TTN: variants seen among roughly 807,000 people sequenced by gnomAD.
TTN encodes the protein titin.
TTN carries 1,525 observed loss-of-function variants against 3,223.0 expected under a neutral mutation model. That is an observed-to-expected ratio of 0.47 (90% CI 0.45 to 0.49). The LOEUF (loss-of-function observed/expected upper bound fraction) is 0.49. Ranked by LOEUF, TTN falls within the 20% of genes least tolerant of loss-of-function variation. The probability of loss-of-function intolerance (pLI) is 0.00; values close to 1 mark genes in which losing one functional copy is unlikely to be tolerated. For missense variants in TTN, 40,786 were observed against 43,424.0 expected, an observed-to-expected ratio of 0.94 and a Z score of 5.40; for synonymous variants, 14,094 against 15,161.0, an observed-to-expected ratio of 0.93 and a Z score of 5.17.
chr2:178,609,201 G>T lies in TTN; in HGVS notation c.52102+7C>A. The stretch of plus-strand genomic sequence containing the variant: ...TTCCATTGGAAAGTGTAGTTTTAAT[G>T]ACTCACCTAACACACTGACAGTACA... On this transcript the variant is annotated splice_region_variant and intron_variant, in intron 273 of 362. Transcript: ENST00000589042. 2 of 1,492,002 alleles carry T rather than the reference G, an allele frequency of 1.3e-6. No homozygotes were observed. The highest frequency in any genetic ancestry group is 2.9e-5 in the South Asian group (2 of 67,826). The allele number at this position is 1,492,002 out of a possible 1,614,324, so 92.4% of individuals were successfully genotyped here. A position where few individuals can be genotyped will look rare whatever the true frequency, so the allele number is the denominator to read the frequency against.
rs761745332 is a variant in TTN at position 178,712,867 on chromosome 2, A to G, written c.27158T>C (p.Phe9053Ser). 1.9e-6 allele frequency: 3 copies of G among 1,613,638 alleles called. No individual in the cohort carries two copies. The highest frequency in any genetic ancestry group is 2.5e-6 in the Non-Finnish European group (3 of 1,179,758). The change falls in exon 94 of 363, where the codon TTC becomes TCC. Residue 9053 changes from phenylalanine (F) to serine (S), a missense_variant. Physicochemically the swap from Phe to Ser is radical, Grantham distance 155. Coordinates refer to ENST00000589042, the MANE Select transcript of TTN (RefSeq NM_001267550.2). ...TGGTACTAGTTCACTGCTACCTTTG[A>G]ACCAGCTAACACTGAAAGGAGGTGT... Reference protein sequence around the residue: ...KGTPPFSVSWFKGSSELVPGD... With the variant: ...KGTPPFSVSWSKGSSELVPGD...
In TTN at chr2:178,689,302, G is replaced by C; in HGVS notation, c.31999C>G (p.Pro10667Ala). Residue 10667 changes from proline to alanine, a missense_variant, in exon 124 of 363, where the codon CCA (proline) becomes GCA (alanine). Pro to Ala is a conservative substitution (Grantham distance 27). Transcript: ENST00000589042. ...PVPRKEEEVP[P>A]PPKVPALPKK... The stretch of plus-strand genomic sequence containing the variant: ...GGAGAAACAATACCTTTTGGTGGTG[G>C]TGGAACTTCTTCCTCCTTCCGAGGA... 1 of 1,612,444 alleles carries C rather than the reference G, an allele frequency of 6.2e-7. No individual in the cohort carries two copies. Among genetic ancestry groups the C allele is most frequent in the South Asian group, 1.1e-5 (1 of 90,690 alleles).
Position 178,632,570 on chromosome 2 carries a change from A to T in TTN, c.43436T>A (p.Phe14479Tyr), listed in dbSNP as rs2059938240. The T allele has an allele frequency of 1.2e-6, 2 of 1,613,246 alleles. No individual in the cohort carries two copies. Among genetic ancestry groups the T allele is most frequent in the African/African-American group, 1.3e-5 (1 of 74,884 alleles). The change falls in exon 235 of 363, where the codon TTT becomes TAT. Residue 14479 changes from phenylalanine (F) to tyrosine (Y), a missense_variant. Physicochemically the swap from Phe to Tyr is conservative, Grantham distance 22. Coordinates refer to ENST00000589042, the MANE Select transcript of TTN (RefSeq NM_001267550.2). ...ACTTGTGTGCTTATCTTCAGCTTCA[A>T]ACATGTATTTTGCTTCATCTTCAAA... is the stretch of plus-strand genomic sequence containing the variant. ...AAFEDEAKYM[F>Y]EAEDKHTSGK...
intron 336 of TTN, 68 bp downstream of exon 336, chr2:178,550,899 G>T (rs1177539667): frequency 6.8e-7 from 1 of 1,462,824 alleles, no homozygotes; most frequent in African/African-American, 1.4e-5. Flanking sequence ...TACAGGCCAG[G>T]GGCCAAATGT....
Position 178,561,597 on chromosome 2 carries a change from C to T in TTN, c.84535G>A (p.Val28179Ile). ...STMLVTWQVP[V>I]NDGGSRVIGY... ...ATTACTCGACTTCCTCCATCATTAA[C>T]TGGCACTTGCCAGGTTACAAGCATG... is the stretch of plus-strand genomic sequence containing the variant. Residue 28179 changes from valine (V) to isoleucine (I), a missense_variant, in exon 326 of 363, where the codon GTT (valine) becomes ATT (isoleucine). Val to Ile is a conservative substitution (Grantham distance 29). Transcript: ENST00000589042. 1.2e-6 allele frequency: 2 copies of T among 1,613,242 alleles called. No individual in the cohort carries two copies. The highest frequency in any genetic ancestry group is 8.5e-7 in the Non-Finnish European group (1 of 1,179,566).
chr2:178,666,395 G>T (rs548783495), intron 163 of TTN, among the ~76,000 whole-genome samples: 5 of 152,206 alleles, frequency 3.3e-5, no homozygotes, highest in African/African-American at 1.2e-4. Context: ...AGGAGCAAAT[G>T]AACATGGAGG....
chr2:178,572,273 G>A lies in TTN; in HGVS notation c.73859C>T (p.Pro24620Leu), dbSNP rs370763285. 84 of 1,612,986 alleles carry A rather than the reference G, an allele frequency of 5.2e-5. No homozygotes were observed. The highest frequency in any genetic ancestry group is 2.9e-4 in the South Asian group (26 of 91,032). The change falls in exon 326 of 363, where the codon CCA (proline) becomes CTA (leucine). Residue 24620 changes from proline to leucine, a missense_variant. Coordinates refer to ENST00000589042, the MANE Select transcript of TTN (RefSeq NM_001267550.2). ...GACATCCATCAAAGTTATTTTTCCT[G>A]GAGGAAGAGGTCGTTCTGATGCTTT... ...SVKASERPLP[P>L]GKITLMDVTR...
rs73973135 is a variant in TTN, at chr2:178,678,978, G to A, written c.33743-148C>T. On this transcript the variant is annotated intron_variant, in intron 142 of 362. Transcript: ENST00000589042. ...AAAATTATAATAGCCACAAAACAAA[G>A]GCCAGAAAATACACAAAAATTAAAA... 3,940 of 694,668 alleles carry A rather than the reference G, an allele frequency of 5.7e-3. 105 individuals are homozygous for A. The African/African-American group carries it at 0.065, about 12-fold the overall frequency. The allele number at this position is 694,668 out of a possible 1,614,324, so 43.0% of individuals were successfully genotyped here. A position where few individuals can be genotyped will look rare whatever the true frequency, so the allele number is the denominator to read the frequency against.
At position 178,790,767 on chromosome 2, in the gene TTN, G is replaced by A. The variant is rs1183283476; in HGVS notation, c.1741C>T (p.Pro581Ser). 5.0e-6 allele frequency: 8 copies of A among 1,613,934 alleles called. No homozygotes were observed. The highest frequency in any genetic ancestry group is 1.1e-5 in the South Asian group (1 of 91,078). The change falls in exon 11 of 363, where the codon CCG (proline) becomes TCG (serine). Residue 581 changes from proline (P) to serine (S), a missense_variant. Physicochemically the swap from Pro to Ser is moderately conservative, Grantham distance 74. Coordinates refer to ENST00000589042, the MANE Select transcript of TTN (RefSeq NM_001267550.2). ...TAKSTKLETVPGAQEETTTQQ... is the reference protein window; with the variant it reads ...TAKSTKLETVSGAQEETTTQQ... The stretch of plus-strand genomic sequence containing the variant: ...GTGGTAGTTTCTTCTTGAGCTCCCG[G>A]GACTGTTTCTAGTTTTGTGGACTTT...
intron 119 of TTN, 119 bp from the exon 120 acceptor site, chr2:178,692,699 G>T: frequency 1.4e-6 from 1 of 726,544 alleles, no homozygotes. Context: ...AGAAAATTAT[G>T]CTTTAGAAAT....
rs777883873 is a variant in TTN, at chr2:178,571,168, G to C, written c.74964C>G (p.Ile24988Met). ...EYEFRVSAENIVGIGKPSKVS... is the reference protein window; with the variant it reads ...EYEFRVSAENMVGIGKPSKVS... ...CTTTACTCGGCTTGCCAATGCCCAC[G>C]ATGTTCTCTGCAGAGACTCTAAATT... The change falls in exon 326 of 363, where the codon ATC becomes ATG. Residue 24988 changes from isoleucine to methionine, a missense_variant. Coordinates refer to ENST00000589042, the MANE Select transcript of TTN (RefSeq NM_001267550.2). 4 of 1,613,390 alleles carry C rather than the reference G, an allele frequency of 2.5e-6. No individual in the cohort carries two copies. The highest frequency in any genetic ancestry group is 3.4e-6 in the Non-Finnish European group (4 of 1,179,616).
intron 311 of TTN, 144 bp from the exon 312 acceptor site, chr2:178,584,050 C>A (rs908529284): frequency 3.7e-6 from 4 of 1,076,674 alleles, no homozygotes; most frequent in Non-Finnish European, 5.2e-6. Context: ...AACTAGTATG[C>A]ACTTTTGAGT....
Position 178,784,339 on chromosome 2 carries a change from C to T in TTN, c.2506G>A (p.Gly836Ser), listed in dbSNP as rs751157908. 3.9e-5 allele frequency: 63 copies of T among 1,613,886 alleles called. No homozygotes were observed. The highest frequency in any genetic ancestry group is 9.3e-5 in the African/African-American group (7 of 74,902). The change falls in exon 16 of 363, where the codon GGT becomes AGT. Residue 836 changes from glycine to serine, a missense_variant. Coordinates refer to ENST00000589042, the MANE Select transcript of TTN (RefSeq NM_001267550.2). ...TTTTGTAATGTGGCAATAGCACTAC[C>T]GGCTATTGATGCCTACATGGAAACA... ...TEHGYEASIA[G>S]SAIATLQKEL...
At chr2:178,680,109 A>G in intron 139 of TTN, 54 bp from the exon 140 acceptor site, 1 of 1,599,992 alleles carries the variant, frequency 6.3e-7, no homozygotes, top group Non-Finnish European at 8.5e-7. Context: ...AACAAAATTA[A>G]GACACCTTAG....
At position 178,702,562 on chromosome 2, in the gene TTN, T is replaced by C. The variant is rs2075197256; in HGVS notation, c.30325A>G (p.Thr10109Ala). ...CEVSFDDAIVTWYKGPTELTE... is the reference protein window; with the variant it reads ...CEVSFDDAIVAWYKGPTELTE... ...AGTTCTGTTGGTCCTTTGTACCATGTTACAATGGCATCATCAAAGGACACT... is the reference window on the plus strand; with the variant it reads ...AGTTCTGTTGGTCCTTTGTACCATGCTACAATGGCATCATCAAAGGACACT... Residue 10109 changes from threonine (T) to alanine (A), a missense_variant, in exon 107 of 363, where the codon ACA (threonine) becomes GCA (alanine). Transcript: ENST00000589042. The C allele has an allele frequency of 6.2e-7, 1 of 1,613,984 alleles. No individual in the cohort carries two copies. The highest frequency in any genetic ancestry group is 8.5e-7 in the Non-Finnish European group (1 of 1,179,882).
chr2:178,599,773 C>T lies in TTN; in HGVS notation c.56128G>A (p.Gly18710Ser), dbSNP rs1328807587. 1.2e-6 allele frequency: 2 copies of T among 1,611,336 alleles called. No individual in the cohort carries two copies. The highest frequency in any genetic ancestry group is 1.7e-5 in the Admixed American group (1 of 59,716). ...TNVNIVAKIKGVPFPTLTWFK... is the reference protein window; with the variant it reads ...TNVNIVAKIKSVPFPTLTWFK... ...CAGGTTAGTGTCGGGAATGGCACACCTTTAATTTTGGCCACAATGTTAACA... is the reference window on the plus strand; with the variant it reads ...CAGGTTAGTGTCGGGAATGGCACACTTTTAATTTTGGCCACAATGTTAACA... The change falls in exon 289 of 363, where the codon GGT becomes AGT. Residue 18710 changes from glycine (G) to serine (S), a missense_variant. Gly to Ser is a moderately conservative substitution (Grantham distance 56). Coordinates refer to ENST00000589042, the MANE Select transcript of TTN (RefSeq NM_001267550.2).
At position 178,552,849 on chromosome 2, in the gene TTN, T is replaced by C. The variant is rs558277631; in HGVS notation, c.90051A>G (p.Glu30017=). The C allele has an allele frequency of 3.7e-6, 6 of 1,613,804 alleles. No individual in the cohort carries two copies. The East Asian group carries it at 1.3e-4, about 36-fold the overall frequency. Residue 30017 remains glutamate, a synonymous_variant, in exon 335 of 363, where the codon GAA becomes GAG. Coordinates refer to ENST00000589042, the MANE Select transcript of TTN (RefSeq NM_001267550.2). The part of the protein sequence containing the change: ...VLAENEIGIG[E]PCETTEPVKA... ...TCACTGGCTCTGTAGTTTCACAGGGTTCCCCAATTCCAATTTCATTTTCTG... is the reference window on the plus strand; with the variant it reads ...TCACTGGCTCTGTAGTTTCACAGGGCTCCCCAATTCCAATTTCATTTTCTG...
chr2:178,678,949 A>G (rs2068712816), intron 142 of TTN, 119 bp from the exon 143 acceptor site: 2 of 815,558 alleles, frequency 2.5e-6, no homozygotes, highest in South Asian at 3.8e-5. Flanking sequence ...TCACTTTAAG[A>G]CTGAAAATTA....
chr2:178,709,302 C>T (rs1384621025), intron 99 of TTN, among the ~76,000 whole-genome samples: 3 of 152,134 alleles, frequency 2.0e-5, no homozygotes, highest in Non-Finnish European at 4.4e-5. Context: ...GCTGAAACTT[C>T]TAACTACCTA....
Sources: gnomAD v4.1 joint callset for allele counts (sites outside exome capture counted in the v4.1 genomes callset) on GRCh38, gnomAD v4.1.1 for gene constraint, MANE v1.5 for transcripts, NCBI Gene and HGNC (gene_info 2026-07-23, HGNC 2026-07-21) for gene names.